SYT2: variants seen among roughly 807,000 people sequenced by gnomAD.
The protein encoded by SYT2 is synaptotagmin-2.
Under a neutral mutation model 39.9 loss-of-function variants are expected in SYT2, and 15 were observed. The observed-to-expected ratio is 0.38, with a 90% CI of 0.25 to 0.58. The LOEUF is 0.58. Ranked by LOEUF, SYT2 falls within the 20% of genes least tolerant of loss-of-function variation. The pLI, the probability that SYT2 is intolerant of heterozygous loss-of-function variation, is 0.70. For synonymous variants in SYT2, 181 were observed against 204.5 expected (o/e 0.89, Z 0.98); for missense variants, 389 against 530.3 (o/e 0.73, Z 2.62).
chr1:202,702,223 G>C (rs1224250283), intron 1 of SYT2, among the ~76,000 whole-genome samples: 15 of 152,214 alleles, frequency 9.9e-5, no homozygotes, highest in Middle Eastern at 3.2e-3. Context: ...AGACGTCTGG[G>C]GCTGGCTTGC....
At chr1:202,644,090 A>G (rs895863830) in intron 1 of SYT2, among the ~76,000 whole-genome samples, 1 of 152,140 alleles carries the variant, frequency 6.6e-6, no homozygotes, top group African/African-American at 2.4e-5. Flanking sequence ...GGAGCTGGGG[A>G]GTTCGCCCCG....
chr1:202,632,543 T>C, intron 1 of SYT2: 4 of 985,280 alleles, frequency 4.1e-6, no homozygotes, highest in Non-Finnish European at 4.8e-6. Flanking sequence ...CTGCTGGAAA[T>C]GTCAGACCCT....
chr1:202,667,145 G>A (rs796673475), intron 1 of SYT2, among the ~76,000 whole-genome samples: 10 of 152,274 alleles, frequency 6.6e-5, no homozygotes, highest in African/African-American at 2.4e-4. Context: ...GCGGGGAAAA[G>A]ACTCAACCGA....
chr1:202,646,148 CTG>C (rs1322492241), intron 1 of SYT2, among the ~76,000 whole-genome samples: 1 of 152,202 alleles, frequency 6.6e-6, no homozygotes, highest in Non-Finnish European at 1.5e-5. Context: ...TAGGTCCTGA[CTG>C]TCCATCCTAC....
intron 1 of SYT2, among the ~76,000 whole-genome samples, chr1:202,682,708 G>A (rs1348639435): frequency 6.6e-6 from 1 of 152,034 alleles, no homozygotes; most frequent in Admixed American, 6.5e-5. Context: ...TCAAGGCCAC[G>A]GAGCTAGCGT....
At chr1:202,670,966 G>A (rs1222443461) in intron 1 of SYT2, among the ~76,000 whole-genome samples, 2 of 152,208 alleles carry the variant, frequency 1.3e-5, no homozygotes, top group Non-Finnish European at 2.9e-5. Context: ...ATCTCTGCTG[G>A]GTCAGCTGGG....
intron 1 of SYT2, among the ~76,000 whole-genome samples, chr1:202,661,839 T>C (rs1325342441): frequency 6.6e-6 from 1 of 152,232 alleles, no homozygotes; most frequent in Admixed American, 6.5e-5. Context: ...TGCTCAAAGT[T>C]GGTCACAAAT....
intron 1 of SYT2, among the ~76,000 whole-genome samples, chr1:202,670,458 AT>A (rs1215967227): frequency 6.6e-6 from 1 of 152,178 alleles, no homozygotes; most frequent in Non-Finnish European, 1.5e-5. Flanking sequence ...GAGCCACAGA[AT>A]CCCCCAAGCC....
chr1:202,699,276 C>A (rs570020785), intron 1 of SYT2, among the ~76,000 whole-genome samples: 1 of 152,130 alleles, frequency 6.6e-6, no homozygotes, highest in Non-Finnish European at 1.5e-5. Context: ...CCTGCATTGG[C>A]CTCTCAGAGT....
At chr1:202,704,885 G>A (rs1225807119) in intron 1 of SYT2, among the ~76,000 whole-genome samples, 1 of 152,242 alleles carries the variant, frequency 6.6e-6, no homozygotes, top group East Asian at 1.9e-4. Context: ...TGTTCCTGAA[G>A]GAGGTGCCAG....
intron 1 of SYT2, among the ~76,000 whole-genome samples, chr1:202,616,399 C>CA (rs1459845787): frequency 2.0e-5 from 3 of 152,138 alleles, no homozygotes; most frequent in Non-Finnish European, 4.4e-5. Context: ...GAGGCTGGAC[C>CA]AGTCCAGTTT....
intron 1 of SYT2, among the ~76,000 whole-genome samples, chr1:202,611,297 T>A (rs1250065546): frequency 6.6e-6 from 1 of 152,224 alleles, no homozygotes; most frequent in African/African-American, 2.4e-5. Context: ...AACATATAAT[T>A]TGCAAATATT....
intron 1 of SYT2, among the ~76,000 whole-genome samples, chr1:202,650,436 T>C (rs1354774342): frequency 5.7e-5 from 3 of 52,328 alleles, no homozygotes; most frequent in Non-Finnish European, 1.7e-4. Context: ...TTTCATATGC[T>C]TTTGTTTTTT....
chr1:202,630,905 A>C (rs1365756210), intron 1 of SYT2, among the ~76,000 whole-genome samples: 1 of 152,240 alleles, frequency 6.6e-6, no homozygotes, highest in Non-Finnish European at 1.5e-5. Flanking sequence ...AAGTGGGCAG[A>C]GGACTGTCCC....
At chr1:202,697,972 G>A (rs1654015319) in intron 1 of SYT2, among the ~76,000 whole-genome samples, 1 of 152,138 alleles carries the variant, frequency 6.6e-6, no homozygotes, top group African/African-American at 2.4e-5. Flanking sequence ...GGGTCTGTCT[G>A]CAACACAGCT....
At chr1:202,664,967 A>G (rs1318088333) in intron 1 of SYT2, among the ~76,000 whole-genome samples, 2 of 152,208 alleles carry the variant, frequency 1.3e-5, no homozygotes, top group African/African-American at 4.8e-5. Flanking sequence ...ACTTCTCAGC[A>G]TAATTATTCT....
chr1:202,656,559 C>T (rs1002058193), intron 1 of SYT2, among the ~76,000 whole-genome samples: 1 of 152,182 alleles, frequency 6.6e-6, no homozygotes, highest in African/African-American at 2.4e-5. Context: ...CTCTCTAAGG[C>T]TCATTGTGAC....
chr1:202,637,609 G>A (rs547844623), intron 1 of SYT2, among the ~76,000 whole-genome samples: 2 of 152,278 alleles, frequency 1.3e-5, no homozygotes, highest in South Asian at 4.1e-4. Context: ...GAGCTGGCAG[G>A]CTCCGTCTGC....
At chr1:202,692,950 G>A (rs759253395) in intron 1 of SYT2, among the ~76,000 whole-genome samples, 23 of 152,140 alleles carry the variant, frequency 1.5e-4, no homozygotes, top group Non-Finnish European at 2.4e-4. Flanking sequence ...TAATAAGGCA[G>A]GAGAAGGAGG....
Sources: allele counts gnomAD v4.1 joint callset (sites outside exome capture counted in the v4.1 genomes callset), GRCh38; gene constraint gnomAD v4.1.1; transcripts MANE v1.5; gene names NCBI Gene and HGNC (gene_info 2026-07-23, HGNC 2026-07-21).